ROBO2: variants seen among roughly 807,000 people sequenced by gnomAD.
ROBO2 encodes the protein roundabout guidance receptor 2, also known as roundabout homolog 2.
Under a neutral mutation model 160.8 loss-of-function variants are expected in ROBO2, and 53 were observed. The observed-to-expected ratio is 0.33, with a 90% CI of 0.26 to 0.41. ROBO2 has a LOEUF of 0.41. Among genes scored for constraint, ROBO2 ranks in the 10% least tolerant of loss-of-function variants. The pLI, the probability that ROBO2 is intolerant of heterozygous loss-of-function variation, is 1.00. For missense variants in ROBO2, 1,577 were observed against 1,722.4 expected (o/e 0.92, Z 1.49); for synonymous variants, 664 against 611.7 (o/e 1.09, Z -1.26).
intron 2 of ROBO2, among the ~76,000 whole-genome samples, chr3:76,298,299 G>A (rs1709186250): frequency 6.6e-6 from 1 of 152,146 alleles, no homozygotes; most frequent in Non-Finnish European, 1.5e-5. Context: ...GAGAGGGATA[G>A]GGGTCTCTGG....
chr3:76,051,257 A>G (rs2067644987), intron 2 of ROBO2, among the ~76,000 whole-genome samples: 1 of 92,458 alleles, frequency 1.1e-5, no homozygotes, highest in South Asian at 3.9e-4. Context: ...AAAATGAAGT[A>G]CTTTGATATG....
At chr3:77,040,868 C>T (rs1559884812) in intron 1 of ROBO2, 22 bp downstream of exon 1, 3 of 1,613,830 alleles carry the variant, frequency 1.9e-6, no homozygotes, top group East Asian at 2.2e-5. Flanking sequence ...ATGCTTTCAT[C>T]TTTTTTTGCG....
intron 5 of ROBO2, among the ~76,000 whole-genome samples, chr3:77,503,394 G>A (rs1178077063): frequency 2.6e-5 from 4 of 150,964 alleles, no homozygotes; most frequent in Admixed American, 6.6e-5. Context: ...GCGTGGTGGC[G>A]GCGCCTGTAG....
At chr3:77,296,228 A>T (rs1398880362) in intron 2 of ROBO2, among the ~76,000 whole-genome samples, 1 of 151,550 alleles carries the variant, frequency 6.6e-6, no homozygotes, top group African/African-American at 2.4e-5. Flanking sequence ...AGTTGAGGCT[A>T]GAACAGTAAA....
chr3:77,191,277 A>C (rs2081821805), intron 2 of ROBO2, among the ~76,000 whole-genome samples: 1 of 152,114 alleles, frequency 6.6e-6, no homozygotes, highest in Non-Finnish European at 1.5e-5. Flanking sequence ...TACCATGAAA[A>C]CAGATTAATG....
intron 2 of ROBO2, among the ~76,000 whole-genome samples, chr3:76,685,143 C>T (rs898455564): frequency 7.9e-5 from 12 of 151,286 alleles, no homozygotes; most frequent in African/African-American, 2.9e-4. Flanking sequence ...GACCACCCAG[C>T]CCTTTGTCCA....
At chr3:76,870,728 T>C (rs1286475356) in intron 2 of ROBO2, among the ~76,000 whole-genome samples, 1 of 152,196 alleles carries the variant, frequency 6.6e-6, no homozygotes, top group African/African-American at 2.4e-5. Context: ...ATCACCCACC[T>C]TTCTGATTGG....
chr3:76,637,119 C>T (rs551989930), intron 2 of ROBO2, among the ~76,000 whole-genome samples: 2 of 152,132 alleles, frequency 1.3e-5, no homozygotes, highest in East Asian at 3.9e-4. Context: ...CATCTCCAGC[C>T]CAACTTTGGA....
At chr3:77,609,176 G>A (rs1433060685) in intron 21 of ROBO2, among the ~76,000 whole-genome samples, 3 of 151,794 alleles carry the variant, frequency 2.0e-5, no homozygotes, top group African/African-American at 2.4e-5. Context: ...TGAGACTGTA[G>A]CACTTATTAT....
chr3:76,994,850 T>TA (rs2060896954), intron 2 of ROBO2, among the ~76,000 whole-genome samples: 1 of 152,174 alleles, frequency 6.6e-6, no homozygotes, highest in South Asian at 2.1e-4. Context: ...CAAGAAGCAA[T>TA]ATAATAAAAA....
At chr3:77,052,461 G>A (rs960617515) in intron 1 of ROBO2, among the ~76,000 whole-genome samples, 7 of 152,106 alleles carry the variant, frequency 4.6e-5, no homozygotes, top group African/African-American at 1.2e-4. Flanking sequence ...CTTTGAGATC[G>A]AGTGATTAAT....
intron 2 of ROBO2, among the ~76,000 whole-genome samples, chr3:77,239,754 TGC>T (rs2151355540): frequency 6.6e-6 from 1 of 152,208 alleles, no homozygotes; most frequent in South Asian, 2.1e-4. Context: ...CACTGATTGG[TGC>T]GTTTACAAAC....
chr3:76,218,495 C>T (rs1221979997), intron 2 of ROBO2, among the ~76,000 whole-genome samples: 3 of 152,140 alleles, frequency 2.0e-5, no homozygotes, highest in African/African-American at 7.2e-5. Flanking sequence ...GTGCAAAAAT[C>T]ACAAGCATTC....
At chr3:77,413,173 T>C (rs1360053390) in intron 2 of ROBO2, among the ~76,000 whole-genome samples, 2 of 151,112 alleles carry the variant, frequency 1.3e-5, no homozygotes, top group Non-Finnish European at 2.9e-5. Context: ...AGATATATAA[T>C]AGACAATAAA....
At chr3:77,058,701 T>G (rs2149747454) in intron 1 of ROBO2, among the ~76,000 whole-genome samples, 1 of 151,974 alleles carries the variant, frequency 6.6e-6, no homozygotes, top group Admixed American at 6.5e-5. Context: ...GGGTAATTTT[T>G]TTTTTTTTGT....
At chr3:77,596,878 A>G in intron 19 of ROBO2, 128 bp downstream of exon 20, 1 of 1,061,634 alleles carries the variant, frequency 9.4e-7, no homozygotes, top group Non-Finnish European at 1.4e-6. Context: ...TCAATGAAAC[A>G]TATGCACTAA....
At chr3:76,609,644 T>G (rs544080537) in intron 2 of ROBO2, among the ~76,000 whole-genome samples, 257 of 152,314 alleles carry the variant, frequency 1.7e-3, no homozygotes, top group African/African-American at 4.4e-3. Flanking sequence ...TTTCCCAATA[T>G]AAGATCCTAT....
intron 2 of ROBO2, among the ~76,000 whole-genome samples, chr3:76,447,313 A>T (rs2077236878): frequency 6.6e-6 from 1 of 152,178 alleles, no homozygotes; most frequent in African/African-American, 2.4e-5. Flanking sequence ...TCTGGCCATC[A>T]GAGAAATGCA....
intron 2 of ROBO2, among the ~76,000 whole-genome samples, chr3:77,292,990 G>A (rs1210408190): frequency 7.3e-5 from 11 of 150,984 alleles, no homozygotes; most frequent in African/African-American, 1.9e-4. Flanking sequence ...TAAAATTGAC[G>A]GTTAAACGGG....
Sources: allele counts gnomAD v4.1 joint callset (sites outside exome capture counted in the v4.1 genomes callset), GRCh38; gene constraint gnomAD v4.1.1; transcripts MANE v1.5; gene names NCBI Gene and HGNC (gene_info 2026-07-23, HGNC 2026-07-21).